The following RNPEPL1 variants were observed in gnomAD, a reference collection of about 807,000 sequenced individuals.
The protein encoded by RNPEPL1 is arginyl aminopeptidase like 1.
In RNPEPL1, 46 loss-of-function variants were observed where a neutral mutation model predicts 69.0. The observed-to-expected ratio is 0.67, with a 90% CI of 0.53 to 0.85. The LOEUF is 0.85. RNPEPL1 is among the 40% of genes least tolerant of loss of function. The pLI is 0.00. For synonymous variants in RNPEPL1, 525 were observed against 454.1 expected, an observed-to-expected ratio of 1.16 and a Z score of -1.98; for missense variants, 869 against 992.5, an observed-to-expected ratio of 0.88 and a Z score of 1.67.
chr2:240,576,383 C>T, intron 8 of RNPEPL1, 152 bp from the exon 9 acceptor site: 1 of 668,234 alleles, frequency 1.5e-6, no homozygotes, highest in South Asian at 1.9e-5. Flanking sequence ...GCAGTGCTGG[C>T]TGGAGCTGAC....
chr2:240,580,008 G>A lies in RNPEPL1; in HGVS notation c.*2116G>A, dbSNP rs2093048550. 1 of 152,406 alleles carries A rather than the reference G, an allele frequency of 6.6e-6. No homozygotes were observed. The highest frequency in any genetic ancestry group is 2.4e-5 in the African/African-American group (1 of 41,566). The allele number at this position is 152,406 out of a possible 1,614,324, so 9.4% of individuals were successfully genotyped here. On this transcript the variant is annotated 3_prime_UTR_variant, in exon 11 of 11. Coordinates refer to ENST00000270357, the MANE Select transcript of RNPEPL1 (RefSeq NM_018226.6). ...TTGGGAAACTCAGCAGCAGTGCCCAGCGTCATGACCCTGGGGGCAGGAGGG... is the reference window on the plus strand; with the variant it reads ...TTGGGAAACTCAGCAGCAGTGCCCAACGTCATGACCCTGGGGGCAGGAGGG...
rs2093042478 is a variant in RNPEPL1, at chr2:240,577,908, G to A, written c.*16G>A. 6.8e-7 allele frequency: 1 copy of A among 1,471,088 alleles called. No individual in the cohort carries two copies. The highest frequency in any genetic ancestry group is 9.1e-7 in the Non-Finnish European group (1 of 1,103,570). The allele number at this position is 1,471,088 out of a possible 1,614,324, so 91.1% of individuals were successfully genotyped here. ...GTCTGCCTAGCCCTGTTGGCGGGCT[G>A]ACCCTCGACCTCCCAGACACCACAA... On this transcript the variant is annotated 3_prime_UTR_variant, in exon 11 of 11. Coordinates refer to ENST00000270357, the MANE Select transcript of RNPEPL1 (RefSeq NM_018226.6).
rs758023661 is a variant in RNPEPL1 at position 240,574,221 on chromosome 2, C to T, written c.1047C>T (p.Ile349=). ...SILESDEFLV[I]DVIHEVAHSW... ...TGGAGAGCGATGAGTTCCTGGTCAT[C>T]GATGTCATCCACGAGGTGGCCCACA... The change falls in exon 5 of 11, where the codon ATC becomes ATT. Residue 349 remains isoleucine (I), a synonymous_variant. Transcript: ENST00000270357. The T allele has an allele frequency of 2.7e-5, 44 of 1,613,306 alleles. No homozygotes were observed. Among genetic ancestry groups the T allele is most frequent in the South Asian group, 2.2e-5 (2 of 91,082 alleles).
chr2:240,569,962 C>T lies in RNPEPL1; in HGVS notation c.528+848C>T, dbSNP rs141177806. On this transcript the variant is annotated intron_variant, in intron 1 of 10. Transcript: ENST00000270357. ...GACATCTGGGCAGGAAGAACCCAGA[C>T]CAGTGCACCCCTATGGGCTTCCTGT... Among the ~76,000 whole-genome samples the T allele has an allele frequency of 1.6e-4, 24 of 152,314 alleles. 1 individual carries two copies. The East Asian group carries it at 4.4e-3, about 28-fold the overall frequency.
At chr2:240,569,241 G>C (rs1195775068) in intron 1 of RNPEPL1, 127 bp downstream of exon 1, 16 of 1,081,500 alleles carry the variant, frequency 1.5e-5, no homozygotes, top group African/African-American at 1.9e-5. Flanking sequence ...CCCCACCCCG[G>C]TGATTCCCAG....
In RNPEPL1 at chr2:240,570,676, C is replaced by A. The variant is rs141043749; in HGVS notation, c.528+1562C>A. Reference sequence around the variant, plus strand: ...CTGCAGATGCTTGGGCCCATTCCCGCACCCCCACCCCACCCCAGCAAGAAC... The same window carrying A: ...CTGCAGATGCTTGGGCCCATTCCCGAACCCCCACCCCACCCCAGCAAGAAC... On this transcript the variant is annotated intron_variant, in intron 1 of 10. Coordinates refer to ENST00000270357, the MANE Select transcript of RNPEPL1 (RefSeq NM_018226.6). 3.9e-3 allele frequency among the ~76,000 whole-genome samples: 599 copies of A among 152,304 alleles called. 3 individuals carry two copies. The highest frequency in any genetic ancestry group is 0.014 in the African/African-American group (574 of 41,580).
At chr2:240,573,312 C>T (rs1268528936) in intron 3 of RNPEPL1, 51 bp downstream of exon 3, 12 of 1,513,442 alleles carry the variant, frequency 7.9e-6, no homozygotes, top group South Asian at 5.0e-5. Context: ...TCGGGGAGAG[C>T]CCCACCGGGG....
chr2:240,575,932 C>G, intron 8 of RNPEPL1: 1 of 395,606 alleles, frequency 2.5e-6, no homozygotes, highest in East Asian at 5.0e-5. Context: ...AGCTGGAGAA[C>G]AGCAGCCAGC....
chr2:240,572,077 C>G (rs2093023187), intron 1 of RNPEPL1, among the ~76,000 whole-genome samples: 1 of 152,250 alleles, frequency 6.6e-6, no homozygotes, highest in South Asian at 2.1e-4. Flanking sequence ...CTCAGTTTCC[C>G]TATGGAAGCT....
In RNPEPL1 at chr2:240,574,139, C is replaced by T. The variant is rs2093030755; in HGVS notation, c.965C>T (p.Ser322Phe). The T allele has an allele frequency of 6.2e-7, 1 of 1,613,196 alleles. No individual in the cohort carries two copies. The highest frequency in any genetic ancestry group is 8.5e-7 in the Non-Finnish European group (1 of 1,179,896). ...GRYDIVFLPPSFPIVAMENPC... is the reference protein window; with the variant it reads ...GRYDIVFLPPFFPIVAMENPC... ...TACGACATTGTCTTCCTGCCACCCTCCTTCCCCATCGTGGCCATGGAGAAC... is the reference window on the plus strand; with the variant it reads ...TACGACATTGTCTTCCTGCCACCCTTCTTCCCCATCGTGGCCATGGAGAAC... The change falls in exon 5 of 11, where the codon TCC becomes TTC. Residue 322 changes from serine to phenylalanine, a missense_variant. By Grantham distance (155) the Ser-to-Phe change is radical. This residue lies in a region of RNPEPL1 where 610 missense variants were observed against 790.9 expected (regional missense o/e 0.77). Transcript: ENST00000270357.
chr2:240,574,106 G>T lies in RNPEPL1; in HGVS notation c.939-7G>T. The T allele has an allele frequency of 6.2e-7, 1 of 1,611,476 alleles. No individual in the cohort carries two copies. Among genetic ancestry groups the T allele is most frequent in the South Asian group, 1.1e-5 (1 of 91,030 alleles). On this transcript the variant is annotated splice_polypyrimidine_tract_variant and splice_region_variant and intron_variant, in intron 4 of 10. Coordinates refer to ENST00000270357, the MANE Select transcript of RNPEPL1 (RefSeq NM_018226.6). ...GGTCTGCCACCCTCACCGCCCTCCC[G>T]GTGCAGGTACGACATTGTCTTCCTG...
At position 240,579,572 on chromosome 2, in the gene RNPEPL1, A is replaced by G. The variant is rs2975748; in HGVS notation, c.*1680A>G. The G allele has an allele frequency of 0.81, 124,030 of 152,190 alleles. 50,658 individuals are homozygous for G. Among genetic ancestry groups the G allele is most frequent in the East Asian group, 0.96 (4,952 of 5,158 alleles). 9.4% of individuals were successfully genotyped at this position (152,190 alleles called of 1,614,324 possible). On this transcript the variant is annotated 3_prime_UTR_variant, in exon 11 of 11. Coordinates refer to ENST00000270357, the MANE Select transcript of RNPEPL1 (RefSeq NM_018226.6). ...TGCAGTAACCCCTGTGAAAGCGGGT[A>G]TGGAGGGCACCTGGCAGCCCCTGCT...
At position 240,574,705 on chromosome 2, in the gene RNPEPL1, T is replaced by C. The variant is rs73108018; in HGVS notation, c.1288+77T>C. 4.4e-4 allele frequency: 554 copies of C among 1,245,794 alleles called. No individual in the cohort carries two copies. The African/African-American group carries it at 6.7e-3, about 15-fold the overall frequency. The allele number at this position is 1,245,794 out of a possible 1,614,324, so 77.2% of individuals were successfully genotyped here. A position where few individuals can be genotyped will look rare whatever the true frequency, so the allele number is the denominator to read the frequency against. On this transcript the variant is annotated intron_variant, in intron 6 of 10. Coordinates refer to ENST00000270357, the MANE Select transcript of RNPEPL1 (RefSeq NM_018226.6). Reference sequence around the variant, plus strand: ...GCCTCCTTGCCTGCCCTTCGTGTGTTCTGGCTGTGGCTTCTCTGTCCTGCA... The same window carrying C: ...GCCTCCTTGCCTGCCCTTCGTGTGTCCTGGCTGTGGCTTCTCTGTCCTGCA...
Position 240,568,836 on chromosome 2 carries a change from C to G in RNPEPL1, c.250C>G (p.Arg84Gly). The part of the protein sequence containing the change: ...ALVLDAHPAL[R>G]LHSAAFRRAP... ...CGTGCTCGACGCGCACCCGGCTCTGCGCCTGCACTCAGCCGCCTTCCGTCG... is the reference window on the plus strand; with the variant it reads ...CGTGCTCGACGCGCACCCGGCTCTGGGCCTGCACTCAGCCGCCTTCCGTCG... The change falls in exon 1 of 11, where the codon CGC becomes GGC. Residue 84 changes from arginine to glycine, a missense_variant. Arg to Gly is a moderately radical substitution (Grantham distance 125). Transcript: ENST00000270357. The surrounding 1 kb of genome is among the most constrained non-coding windows in gnomAD (Gnocchi z 6.2). The G allele has an allele frequency of 8.5e-7, 1 of 1,172,170 alleles. No individual in the cohort carries two copies. Among genetic ancestry groups the G allele is most frequent in the Non-Finnish European group, 1.1e-6 (1 of 945,084 alleles). 72.6% of individuals were successfully genotyped at this position (1,172,170 alleles called of 1,614,324 possible). A position where few individuals can be genotyped will look rare whatever the true frequency, so the allele number is the denominator to read the frequency against.
At chr2:240,576,430 C>A in intron 8 of RNPEPL1, 105 bp from the exon 9 acceptor site, 1 of 1,111,472 alleles carries the variant, frequency 9.0e-7, no homozygotes, top group Non-Finnish European at 1.3e-6. Context: ...CTGGAACAGG[C>A]CACCTGCCTG....
At chr2:240,571,444 G>C (rs1263674456) in intron 1 of RNPEPL1, among the ~76,000 whole-genome samples, 1 of 152,206 alleles carries the variant, frequency 6.6e-6, no homozygotes, top group Admixed American at 6.5e-5. Flanking sequence ...GCAGAGGGGA[G>C]GGTGGATACG....
chr2:240,578,081 C>A lies in RNPEPL1; in HGVS notation c.*189C>A. The stretch of plus-strand genomic sequence containing the variant: ...CTTGTGTCTGGCAGAGACCTGTGGA[C>A]CTGGCCTCCCCACTCCCAGCTCTCT... On this transcript the variant is annotated 3_prime_UTR_variant, in exon 11 of 11. Coordinates refer to ENST00000270357, the MANE Select transcript of RNPEPL1 (RefSeq NM_018226.6). 4.0e-6 allele frequency: 2 copies of A among 503,596 alleles called. No homozygotes were observed. The highest frequency in any genetic ancestry group is 6.7e-6 in the Non-Finnish European group (2 of 299,350). The allele number at this position is 503,596 out of a possible 1,614,324, so 31.2% of individuals were successfully genotyped here.
chr2:240,571,135 G>A (rs1459391811), intron 1 of RNPEPL1, among the ~76,000 whole-genome samples: 1 of 152,160 alleles, frequency 6.6e-6, no homozygotes, highest in South Asian at 2.1e-4. Flanking sequence ...TGGCTCCCCA[G>A]GTGGGCCCTG....
Position 240,579,002 on chromosome 2 carries a change from CAG to C in RNPEPL1, c.*1111_*1112del, listed in dbSNP as rs1195121205. 6.6e-6 allele frequency: 1 copy of C among 152,280 alleles called. No homozygotes were observed. Among genetic ancestry groups the C allele is most frequent in the Non-Finnish European group, 1.5e-5 (1 of 68,052 alleles). 9.4% of individuals were successfully genotyped at this position (152,280 alleles called of 1,614,324 possible). ...TGTGGCTTAAGCCAAATCCCGGCCT[CAG>C]TGGTGATCCTTTCCCAAGATGGGTA... is the stretch of plus-strand genomic sequence containing the variant. On this transcript the variant is annotated 3_prime_UTR_variant, in exon 11 of 11. Transcript: ENST00000270357.
Sources: allele counts gnomAD v4.1 joint callset (sites outside exome capture counted in the v4.1 genomes callset), GRCh38; gene constraint gnomAD v4.1.1; regional missense constraint gnomAD v4.1.1; non-coding constraint Gnocchi (gnomAD v3.1); transcripts MANE v1.5; gene names NCBI Gene and HGNC (gene_info 2026-07-23, HGNC 2026-07-21).